The following PCDHGA1 variants were observed in gnomAD, a reference collection of about 807,000 sequenced individuals.
PCDHGA1 encodes the protein protocadherin gamma-A1.
Under a neutral mutation model 58.0 loss-of-function variants are expected in PCDHGA1, and 32 were observed. That is an observed-to-expected ratio of 0.55 (90% CI 0.42 to 0.74). The LOEUF (loss-of-function observed/expected upper bound fraction) is 0.74, where lower values mean the gene tolerates loss of function less well. Among genes scored for constraint, PCDHGA1 ranks in the 30% least tolerant of loss-of-function variants. PCDHGA1 has a pLI of 0.00. For missense variants in PCDHGA1, 1,205 were observed against 1,182.3 expected (o/e 1.02, Z -0.28); for synonymous variants, 498 against 501.1 (o/e 0.99, Z 0.08).
chr5:141,389,814 G>T, intron 1 of PCDHGA1: 3 of 1,613,868 alleles, frequency 1.9e-6, no homozygotes, highest in Non-Finnish European at 2.5e-6. Flanking sequence ...TCTGGTCGCC[G>T]TGCGTGACGG....
At chr5:141,433,604 G>A (rs2097631609) in intron 1 of PCDHGA1, among the ~76,000 whole-genome samples, 1 of 152,138 alleles carries the variant, frequency 6.6e-6, no homozygotes, top group Non-Finnish European at 1.5e-5. Flanking sequence ...GGGAGGCCGA[G>A]GCGGGTGGAT....
At chr5:141,409,030 G>C (rs377547144) in intron 1 of PCDHGA1, 2 of 1,614,010 alleles carry the variant, frequency 1.2e-6, no homozygotes, top group South Asian at 2.2e-5. Context: ...TCAATGCTGA[G>C]ATAAACTACT....
chr5:141,333,389 G>A lies in PCDHGA1; in HGVS notation c.2421+284G>A, dbSNP rs1561474477. Reference sequence around the variant, plus strand: ...TTGGAAAGAGCACTGCATTAGAAACGGCGATCTAGCTTCTAACATTTTCTT... The same window carrying A: ...TTGGAAAGAGCACTGCATTAGAAACAGCGATCTAGCTTCTAACATTTTCTT... On this transcript the variant is annotated intron_variant, in intron 1 of 3. Coordinates refer to ENST00000517417, the MANE Select transcript of PCDHGA1 (RefSeq NM_018912.3). 7.4e-6 allele frequency: 4 copies of A among 536,918 alleles called. No homozygotes were observed. The East Asian group carries it at 9.1e-5, about 12-fold the overall frequency. The allele number at this position is 536,918 out of a possible 1,614,324, so 33.3% of individuals were successfully genotyped here.
At chr5:141,353,798 T>C (rs1173677815) in intron 1 of PCDHGA1, among the ~76,000 whole-genome samples, 3 of 152,230 alleles carry the variant, frequency 2.0e-5, no homozygotes, top group Non-Finnish European at 2.9e-5. Flanking sequence ...CCAAACATCT[T>C]ATTTCACCTC....
chr5:141,477,168 A>C lies in PCDHGA1; in HGVS notation c.2422-17639A>C, dbSNP rs763187246. 1 of 1,614,210 alleles carries C rather than the reference A, an allele frequency of 6.2e-7. No homozygotes were observed. The highest frequency in any genetic ancestry group is 8.5e-7 in the Non-Finnish European group (1 of 1,180,040). On this transcript the variant is annotated intron_variant, in intron 1 of 3. Transcript: ENST00000517417. This position sits in a 1 kb window ranked among gnomAD's most constrained non-coding sequence, Gnocchi z 4.9. ...GTGGATGTGAATGACAACGCCCCGG[A>C]GATCACAGTCACCTCCGTGTACAGC...
intron 1 of PCDHGA1, chr5:141,339,997 C>A (rs1756898800): frequency 1.2e-6 from 2 of 1,613,828 alleles, no homozygotes; most frequent in Non-Finnish European, 1.7e-6. Context: ...ATGTGAATGA[C>A]AATGCCCCAG....
At chr5:141,458,080 C>T (rs62379190) in intron 1 of PCDHGA1, among the ~76,000 whole-genome samples, 5,138 of 152,230 alleles carry the variant, frequency 0.034, 100 homozygotes, top group Middle Eastern at 0.088. Flanking sequence ...ACTATATTGC[C>T]GTAAGTTAAG....
At chr5:141,420,748 C>G (rs2096523185) in intron 1 of PCDHGA1, among the ~76,000 whole-genome samples, 1 of 152,214 alleles carries the variant, frequency 6.6e-6, no homozygotes, top group Non-Finnish European at 1.5e-5. Context: ...TTGGAACCAA[C>G]TACAACCTAC....
intron 1 of PCDHGA1, among the ~76,000 whole-genome samples, chr5:141,492,782 C>T (rs2099743868): frequency 6.6e-6 from 1 of 152,258 alleles, no homozygotes; most frequent in Non-Finnish European, 1.5e-5. Context: ...GAGTGAGCCT[C>T]TATAGGACAG....
At chr5:141,497,733 T>G (rs2099779006) in intron 2 of PCDHGA1, among the ~76,000 whole-genome samples, 2 of 152,078 alleles carry the variant, frequency 1.3e-5, no homozygotes, top group Non-Finnish European at 2.9e-5. Context: ...AGAGATGGGT[T>G]TCGCCACGTT....
At chr5:141,350,361 C>T (rs751339845) in intron 1 of PCDHGA1, 2 of 1,571,214 alleles carry the variant, frequency 1.3e-6, no homozygotes, top group South Asian at 1.2e-5. Context: ...ATCCGATACA[C>T]GATTCCAGAG....
chr5:141,338,758 C>G (rs1756774900), intron 1 of PCDHGA1: 35 of 1,231,970 alleles, frequency 2.8e-5, no homozygotes, highest in South Asian at 1.7e-4. Context: ...AGCGAGACAT[C>G]CAATCCAGCA....
At chr5:141,339,347 A>G in intron 1 of PCDHGA1, 1 of 1,614,258 alleles carries the variant, frequency 6.2e-7, no homozygotes, top group Non-Finnish European at 8.5e-7. Context: ...AATAACAGAT[A>G]TTAACGATAA....
rs1257933448 is a variant in PCDHGA1, at chr5:141,490,285, G to C, written c.2422-4522G>C. 3 of 1,614,106 alleles carry C rather than the reference G, an allele frequency of 1.9e-6. No homozygotes were observed. In the African/African-American group the frequency reaches 4.0e-5, roughly 22 times the overall value. On this transcript the variant is annotated intron_variant, in intron 1 of 3. Coordinates refer to ENST00000517417, the MANE Select transcript of PCDHGA1 (RefSeq NM_018912.3). This position sits in a 1 kb window ranked among gnomAD's most constrained non-coding sequence, Gnocchi z 5.4. ...GGGGGATGTCAATGACAATGCCCCAGAGGTGCTATTGGCCTCTTTGGCCAA... is the reference window on the plus strand; with the variant it reads ...GGGGGATGTCAATGACAATGCCCCACAGGTGCTATTGGCCTCTTTGGCCAA...
chr5:141,362,679 C>A, intron 1 of PCDHGA1: 1 of 1,209,570 alleles, frequency 8.3e-7, no homozygotes. Context: ...CCTTAATTGT[C>A]TTAATCTTAT....
intron 1 of PCDHGA1, chr5:141,372,409 A>C: frequency 6.2e-7 from 1 of 1,614,038 alleles, no homozygotes; most frequent in South Asian, 1.1e-5. Flanking sequence ...CAAGAGATAC[A>C]ACCTGACCTT....
chr5:141,346,776 T>A (rs1165398439), intron 1 of PCDHGA1, among the ~76,000 whole-genome samples: 1 of 152,242 alleles, frequency 6.6e-6, no homozygotes, highest in Non-Finnish European at 1.5e-5. Context: ...ACCTGGGTCC[T>A]TGAGTAACTA....
In PCDHGA1 at chr5:141,398,897, C is replaced by A. The variant is rs761364649; in HGVS notation, c.2421+65792C>A. On this transcript the variant is annotated intron_variant, in intron 1 of 3. Coordinates refer to ENST00000517417, the MANE Select transcript of PCDHGA1 (RefSeq NM_018912.3). The stretch of plus-strand genomic sequence containing the variant: ...GTCAGCCTTCGGGAAAACGTGCCAC[C>A]AGGCACCACTGTGTTGCAAGTGTCA... 6 of 1,613,932 alleles carry A rather than the reference C, an allele frequency of 3.7e-6. No homozygotes were observed. The South Asian group carries it at 6.6e-5, about 18-fold the overall frequency.
intron 1 of PCDHGA1, chr5:141,344,684 T>C: frequency 1.9e-6 from 3 of 1,613,988 alleles, no homozygotes; most frequent in Non-Finnish European, 2.5e-6. Context: ...CCTCTGATGG[T>C]GGCGACCCTG....
Sources: gnomAD v4.1 joint callset for allele counts (sites outside exome capture counted in the v4.1 genomes callset) on GRCh38, gnomAD v4.1.1 for gene constraint, Gnocchi (gnomAD v3.1) non-coding constraint, MANE v1.5 for transcripts, NCBI Gene and HGNC (gene_info 2026-07-23, HGNC 2026-07-21) for gene names.